Variants in COL26A1 observed in about 807,000 individuals in gnomAD.
COL26A1 encodes the protein collagen alpha-1(XXVI) chain.
Under a neutral mutation model 59.3 loss-of-function variants are expected in COL26A1, and 41 were observed. The ratio of observed to expected loss-of-function variants is 0.69; its 90% CI spans 0.54 to 0.90. The LOEUF is 0.90. COL26A1 is among the 40% of genes least tolerant of loss of function. The probability of loss-of-function intolerance (pLI) is 0.00; values close to 1 mark genes in which losing one functional copy is unlikely to be tolerated. For synonymous variants in COL26A1, 266 were observed against 256.0 expected (o/e 1.04, Z -0.37); for missense variants, 612 against 602.3 (o/e 1.02, Z -0.17).
intron 3 of COL26A1, among the ~76,000 whole-genome samples, chr7:101,520,664 C>A (rs78302724): frequency 0.072 from 6,867 of 95,790 alleles, 237 homozygotes; most frequent in Middle Eastern, 0.17. Flanking sequence ...ACACACACAC[C>A]CCCGTGTTCT....
At chr7:101,376,562 G>A (rs1337540806) in intron 1 of COL26A1, among the ~76,000 whole-genome samples, 5 of 151,984 alleles carry the variant, frequency 3.3e-5, no homozygotes, top group African/African-American at 1.2e-4. Flanking sequence ...TGCTCACTGG[G>A]GTCGTTTCGG....
At chr7:101,557,323 T>A (rs765516183) in intron 12 of COL26A1, 47 bp from the exon 13 acceptor site, 8 of 1,559,914 alleles carry the variant, frequency 5.1e-6, no homozygotes, top group Non-Finnish European at 7.0e-6. Context: ...TACCCCCAAG[T>A]GTTCCTAAGG....
intron 1 of COL26A1, 59 bp from the exon 2 acceptor site, chr7:101,419,918 C>A: frequency 6.3e-7 from 1 of 1,586,714 alleles, no homozygotes; most frequent in South Asian, 1.1e-5. Context: ...GGCCCCCTGA[C>A]CCGAAGTTGG....
At chr7:101,535,002 T>A (rs17135599) in intron 4 of COL26A1, among the ~76,000 whole-genome samples, 1 of 152,118 alleles carries the variant, frequency 6.6e-6, no homozygotes, top group African/African-American at 2.4e-5. Context: ...CTTACAGATA[T>A]GAACACAGGT....
At chr7:101,369,194 G>A (rs1165135648) in intron 1 of COL26A1, among the ~76,000 whole-genome samples, 2 of 151,988 alleles carry the variant, frequency 1.3e-5, no homozygotes, top group Non-Finnish European at 2.9e-5. Flanking sequence ...ATCGCTTGAG[G>A]TCAGGAGTTC....
chr7:101,463,775 T>TTCTTTCTTTCTTTCTCTC (rs1554416029), intron 3 of COL26A1, among the ~76,000 whole-genome samples: 1,360 of 119,540 alleles, frequency 0.011, 55 homozygotes, highest in African/African-American at 0.045. Context: ...CCTTCCTTCT[T>TTCTTTCTTTCTTTCTCTC]TCTTTCTTTC....
At chr7:101,491,421 G>A (rs1794457989) in intron 3 of COL26A1, among the ~76,000 whole-genome samples, 1 of 152,188 alleles carries the variant, frequency 6.6e-6, no homozygotes, top group Non-Finnish European at 1.5e-5. Flanking sequence ...GAGACCCCAA[G>A]AGAGGGTTCT....
chr7:101,550,983 C>T, intron 9 of COL26A1, 125 bp from the exon 10 acceptor site: 1 of 1,108,940 alleles, frequency 9.0e-7, no homozygotes, highest in Non-Finnish European at 1.3e-6. Flanking sequence ...CCGGCCGGGC[C>T]ATCCTCCTCT....
At chr7:101,489,849 T>C (rs1584456688) in intron 3 of COL26A1, among the ~76,000 whole-genome samples, 1 of 34,186 alleles carries the variant, frequency 2.9e-5, no homozygotes, top group East Asian at 7.1e-4. Flanking sequence ...TTTCTTTCTT[T>C]CTTTCTTTCT....
chr7:101,393,941 TA>T (rs1004490604), intron 1 of COL26A1, among the ~76,000 whole-genome samples: 38 of 150,704 alleles, frequency 2.5e-4, no homozygotes, highest in Admixed American at 7.3e-4. Flanking sequence ...TTTTTTAGAT[TA>T]AAAAAAAATT....
At chr7:101,400,177 G>A (rs11772022) in intron 1 of COL26A1, among the ~76,000 whole-genome samples, 38,798 of 151,652 alleles carry the variant, frequency 0.26, 5,094 homozygotes, top group Middle Eastern at 0.28. Context: ...GAGGGGAGTA[G>A]GCATTCTAGA....
At chr7:101,488,537 G>A (rs62464346) in intron 3 of COL26A1, among the ~76,000 whole-genome samples, 11,438 of 150,730 alleles carry the variant, frequency 0.076, 555 homozygotes, top group Middle Eastern at 0.15. Context: ...CACCACGCCC[G>A]GCTATTTTTT....
intron 8 of COL26A1, 61 bp downstream of exon 8, chr7:101,547,300 C>A: frequency 8.0e-7 from 1 of 1,253,926 alleles, no homozygotes; most frequent in African/African-American, 1.5e-5. Context: ...TGGCCTGAGC[C>A]ATGGGGCCTT....
At chr7:101,438,469 G>A (rs1374315907) in intron 2 of COL26A1, among the ~76,000 whole-genome samples, 2 of 151,580 alleles carry the variant, frequency 1.3e-5, no homozygotes, top group Non-Finnish European at 3.0e-5. Flanking sequence ...GGTATATGCA[G>A]TCAAGGGTGG....
chr7:101,548,443 G>A (rs771884194), intron 8 of COL26A1, among the ~76,000 whole-genome samples: 1 of 152,210 alleles, frequency 6.6e-6, no homozygotes, highest in South Asian at 2.1e-4. Context: ...GCAGACAGAC[G>A]TGTAAACCTC....
At chr7:101,434,342 C>T (rs1792863328) in intron 2 of COL26A1, among the ~76,000 whole-genome samples, 1 of 151,840 alleles carries the variant, frequency 6.6e-6, no homozygotes. Flanking sequence ...CAGCCTCCAA[C>T]TCCTGGTCTC....
chr7:101,422,660 G>A (rs997256507), intron 2 of COL26A1, among the ~76,000 whole-genome samples: 19 of 150,848 alleles, frequency 1.3e-4, no homozygotes, highest in African/African-American at 4.6e-4. Context: ...CTTTTTTTTT[G>A]GAGACAGGAT....
chr7:101,382,119 G>T (rs1015592480), intron 1 of COL26A1, among the ~76,000 whole-genome samples: 15 of 152,100 alleles, frequency 9.9e-5, no homozygotes, highest in Non-Finnish European at 7.3e-5. Flanking sequence ...CATGATTATG[G>T]CTTACTGCAG....
At chr7:101,407,132 T>C (rs948791999) in intron 1 of COL26A1, among the ~76,000 whole-genome samples, 2 of 152,066 alleles carry the variant, frequency 1.3e-5, no homozygotes, top group African/African-American at 4.8e-5. Context: ...GGGCAGCCCA[T>C]TGCACTTGTG....
Sources: gnomAD v4.1 joint callset for allele counts (sites outside exome capture counted in the v4.1 genomes callset) on GRCh38, gnomAD v4.1.1 for gene constraint, MANE v1.5 for transcripts, NCBI Gene and HGNC (gene_info 2026-07-23, HGNC 2026-07-21) for gene names.